The following MAPK10 variants were observed in gnomAD, a reference collection of about 807,000 sequenced individuals.
MAPK10 encodes the protein mitogen-activated protein kinase 10.
Under a neutral mutation model 59.3 loss-of-function variants are expected in MAPK10, and 25 were observed. That is an observed-to-expected ratio of 0.42 (90% CI 0.31 to 0.59). The LOEUF (loss-of-function observed/expected upper bound fraction) is 0.59. Among genes scored for constraint, MAPK10 ranks in the 20% least tolerant of loss-of-function variants. MAPK10 has a pLI of 0.15. For synonymous variants in MAPK10, 190 were observed against 200.5 expected (o/e 0.95, Z 0.44); for missense variants, 351 against 568.9 (o/e 0.62, Z 3.90).
intron 2 of MAPK10, among the ~76,000 whole-genome samples, chr4:86,266,310 C>T (rs776167821): frequency 3.3e-5 from 5 of 152,148 alleles, no homozygotes; most frequent in Non-Finnish European, 7.4e-5. Context: ...TACTTGCCTA[C>T]TACTTAATAG....
At chr4:86,206,611 G>A (rs1283165641) in intron 2 of MAPK10, among the ~76,000 whole-genome samples, 7 of 152,218 alleles carry the variant, frequency 4.6e-5, no homozygotes, top group Middle Eastern at 3.2e-3. Context: ...GATCCCTGAA[G>A]AATCACCACA....
At chr4:86,201,153 C>A (rs2082532409) in intron 2 of MAPK10, among the ~76,000 whole-genome samples, 1 of 151,798 alleles carries the variant, frequency 6.6e-6, no homozygotes, top group African/African-American at 2.4e-5. Flanking sequence ...CAGTTCTGTC[C>A]ATGTTGTTGT....
intron 1 of MAPK10, among the ~76,000 whole-genome samples, chr4:86,465,604 T>C (rs1378045453): frequency 6.6e-6 from 1 of 152,216 alleles, no homozygotes; most frequent in Admixed American, 6.5e-5. Context: ...GAACAACTCA[T>C]TTGGTGGAGA....
chr4:86,089,331 A>C, intron 9 of MAPK10: 1 of 1,244,692 alleles, frequency 8.0e-7, no homozygotes, highest in Non-Finnish European at 1.2e-6. Flanking sequence ...AGAACAACAA[A>C]TAAATGAAAA....
intron 2 of MAPK10, among the ~76,000 whole-genome samples, chr4:86,307,943 A>G (rs1229608553): frequency 4.6e-5 from 7 of 152,192 alleles, no homozygotes; most frequent in Non-Finnish European, 8.8e-5. Flanking sequence ...AATGGGTCCT[A>G]AGCTATAGCT....
chr4:86,136,714 G>A (rs1025335607), intron 4 of MAPK10, among the ~76,000 whole-genome samples: 16 of 151,196 alleles, frequency 1.1e-4, no homozygotes, highest in Admixed American at 2.6e-4. Flanking sequence ...TGGACTAGAT[G>A]CTCCAATTAA....
At chr4:86,110,895 T>C (rs2057374525) in intron 4 of MAPK10, among the ~76,000 whole-genome samples, 1 of 152,186 alleles carries the variant, frequency 6.6e-6, no homozygotes, top group East Asian at 1.9e-4. Context: ...GTTTGTGTCC[T>C]GATTTCCTTG....
At chr4:86,313,870 A>G (rs749366868) in intron 2 of MAPK10, among the ~76,000 whole-genome samples, 9 of 152,240 alleles carry the variant, frequency 5.9e-5, no homozygotes, top group Non-Finnish European at 1.2e-4. Context: ...ATACACAAGT[A>G]CATATGTTCA....
intron 2 of MAPK10, among the ~76,000 whole-genome samples, chr4:86,353,209 C>T (rs1732560425): frequency 6.6e-6 from 1 of 152,138 alleles, no homozygotes; most frequent in South Asian, 2.1e-4. Context: ...TTGTAAGTGC[C>T]ACACTCTTTA....
chr4:86,426,863 T>C (rs1369178094), intron 1 of MAPK10, among the ~76,000 whole-genome samples: 3 of 152,040 alleles, frequency 2.0e-5, no homozygotes, highest in Admixed American at 6.5e-5. Context: ...ATTTAGCACA[T>C]AAAAAGTATT....
chr4:86,096,184 G>A lies in MAPK10; in HGVS notation c.802+2340C>T, dbSNP rs1231572072. On this transcript the variant is annotated intron_variant, in intron 9 of 13. Transcript: ENST00000641462. ...TATCTGTATTAGAGATTATTTAAAT[G>A]TCTAGGTTCATACATATCAAGGATA... Among the ~76,000 whole-genome samples the A allele has an allele frequency of 2.0e-5, 3 of 151,544 alleles. No homozygotes were observed. The East Asian group carries it at 5.8e-4, about 29-fold the overall frequency.
intron 1 of MAPK10, among the ~76,000 whole-genome samples, chr4:86,424,694 G>C (rs1747039461): frequency 6.6e-6 from 1 of 152,046 alleles, no homozygotes; most frequent in Admixed American, 6.5e-5. Flanking sequence ...AAATCATGAG[G>C]GGTAGCATGA....
intron 1 of MAPK10, among the ~76,000 whole-genome samples, chr4:86,421,364 A>G (rs1025344449): frequency 6.6e-6 from 1 of 152,216 alleles, no homozygotes; most frequent in Non-Finnish European, 1.5e-5. Flanking sequence ...TCTCTAAAAA[A>G]TAAGTAAATA....
Position 86,103,171 on chromosome 4 carries a change from A to G in MAPK10, c.425+15T>C. 6.3e-7 allele frequency: 1 copy of G among 1,596,454 alleles called. No individual in the cohort carries two copies. Among genetic ancestry groups the G allele is most frequent in the Non-Finnish European group, 8.6e-7 (1 of 1,169,164 alleles). ...GTGCTGTGCTCTCCCTTCCTTCATGAGTTTTGTTACTTACACATCTTGGAA... is the reference window on the plus strand; with the variant it reads ...GTGCTGTGCTCTCCCTTCCTTCATGGGTTTTGTTACTTACACATCTTGGAA... On this transcript the variant is annotated intron_variant, in intron 6 of 13. Transcript: ENST00000641462.
At chr4:86,286,176 C>T (rs1020842412) in intron 2 of MAPK10, among the ~76,000 whole-genome samples, 1 of 152,140 alleles carries the variant, frequency 6.6e-6, no homozygotes, top group East Asian at 1.9e-4. Flanking sequence ...AATGTGTAAA[C>T]CAATAAATCA....
intron 2 of MAPK10, among the ~76,000 whole-genome samples, chr4:86,269,572 C>T (rs1441496845): frequency 6.6e-6 from 1 of 152,132 alleles, no homozygotes; most frequent in African/African-American, 2.4e-5. Context: ...CACCTACTCT[C>T]TCGCCTCTAT....
intron 2 of MAPK10, among the ~76,000 whole-genome samples, chr4:86,307,404 G>A (rs545004066): frequency 6.6e-6 from 1 of 152,202 alleles, no homozygotes; most frequent in South Asian, 2.1e-4. Flanking sequence ...CATGAGTGTG[G>A]GAACTAGGGA....
At chr4:86,141,891 G>T (rs866481591) in intron 4 of MAPK10, among the ~76,000 whole-genome samples, 20 of 152,294 alleles carry the variant, frequency 1.3e-4, no homozygotes, top group African/African-American at 4.6e-4. Flanking sequence ...CCAGGGCATG[G>T]CCCTGGCTTG....
chr4:86,432,996 A>G lies in MAPK10; in HGVS notation c.-122+20034T>C, dbSNP rs189070775. On this transcript the variant is annotated intron_variant, in intron 1 of 13. Coordinates refer to the MAPK10 transcript ENST00000361569. ...AGAACAAAGGGTAAAAGCTGAAGATAATGAGTACTAATTATGGTCTCAGGA... is the reference window on the plus strand; with the variant it reads ...AGAACAAAGGGTAAAAGCTGAAGATGATGAGTACTAATTATGGTCTCAGGA... Among the ~76,000 whole-genome samples, 4 of 152,346 alleles carry G rather than the reference A, an allele frequency of 2.6e-5. No individual in the cohort carries two copies. In the East Asian group the frequency reaches 5.8e-4, roughly 22 times the overall value.
Sources: gnomAD v4.1 joint callset for allele counts (sites outside exome capture counted in the v4.1 genomes callset) on GRCh38, gnomAD v4.1.1 for gene constraint, MANE v1.5 for transcripts, NCBI Gene and HGNC (gene_info 2026-07-23, HGNC 2026-07-21) for gene names.